MMP16: variants seen among roughly 807,000 people sequenced by gnomAD.
The protein encoded by MMP16 is matrix metalloproteinase-16.
A neutral mutation model predicts 67.8 loss-of-function variants in MMP16; 12 were observed. The ratio of observed to expected loss-of-function variants is 0.18; its 90% CI spans 0.11 to 0.29. The LOEUF (loss-of-function observed/expected upper bound fraction) is 0.29. MMP16 is among the 10% of genes least tolerant of loss of function. The pLI is 1.00. For synonymous variants in MMP16, 249 were observed against 255.9 expected, an observed-to-expected ratio of 0.97 and a Z score of 0.26; for missense variants, 475 against 765.7, an observed-to-expected ratio of 0.62 and a Z score of 4.48.
intron 6 of MMP16, among the ~76,000 whole-genome samples, chr8:88,075,171 T>G (rs1009739698): frequency 2.0e-5 from 3 of 152,304 alleles, no homozygotes; most frequent in Middle Eastern, 3.4e-3. Context: ...AGTCCACACC[T>G]GTCTGTACGC....
chr8:88,315,239 G>C (rs941335278), intron 1 of MMP16, among the ~76,000 whole-genome samples: 1 of 152,106 alleles, frequency 6.6e-6, no homozygotes, highest in African/African-American at 2.4e-5. Context: ...TTTTTTCCCA[G>C]AGCATGTGCT....
intron 1 of MMP16, among the ~76,000 whole-genome samples, chr8:88,272,973 C>T (rs1810589338): frequency 6.6e-6 from 1 of 150,704 alleles, no homozygotes; most frequent in South Asian, 2.1e-4. Context: ...CACCAGACCT[C>T]AGTTCCTGCC....
In MMP16 at chr8:88,074,522, A is replaced by G. The variant is rs1808611956; in HGVS notation, c.1222+83T>C. ...TTAAATCCATAGGCTATGTAATCTC[A>G]TTTCATCACTTTTGTGTGCACCACA... On this transcript the variant is annotated intron_variant, in intron 7 of 9. Coordinates refer to ENST00000286614, the MANE Select transcript of MMP16 (RefSeq NM_005941.5). The G allele has an allele frequency of 4.7e-6, 6 of 1,270,688 alleles. No individual in the cohort carries two copies. In the South Asian group the frequency reaches 1.0e-4, roughly 21 times the overall value. 78.7% of individuals were successfully genotyped at this position (1,270,688 alleles called of 1,614,324 possible).
intron 1 of MMP16, among the ~76,000 whole-genome samples, chr8:88,222,739 A>G (rs867318866): frequency 2.0e-4 from 30 of 152,248 alleles, no homozygotes; most frequent in African/African-American, 3.9e-4. Context: ...AACCATAAAA[A>G]CCCTAGAAGA....
chr8:88,239,583 G>A (rs970006287), intron 1 of MMP16, among the ~76,000 whole-genome samples: 2 of 151,396 alleles, frequency 1.3e-5, no homozygotes, highest in Admixed American at 6.6e-5. Context: ...GAATTAAGCT[G>A]AAAAATCTCA....
intron 1 of MMP16, among the ~76,000 whole-genome samples, chr8:88,312,393 A>C (rs1811308982): frequency 6.6e-6 from 1 of 152,164 alleles, no homozygotes; most frequent in Non-Finnish European, 1.5e-5. Flanking sequence ...AACTACCAGC[A>C]GTTATCATTA....
intron 4 of MMP16, among the ~76,000 whole-genome samples, chr8:88,166,233 A>T (rs1273813102): frequency 6.6e-6 from 1 of 152,092 alleles, no homozygotes; most frequent in African/African-American, 2.4e-5. Flanking sequence ...GGTGAAATTA[A>T]GAGTTTTATT....
intron 7 of MMP16, among the ~76,000 whole-genome samples, chr8:88,062,365 T>G (rs1808410262): frequency 6.6e-6 from 1 of 152,136 alleles, no homozygotes; most frequent in African/African-American, 2.4e-5. Flanking sequence ...CACGTATGTT[T>G]ATTGTGGCAC....
At position 88,239,772 on chromosome 8, in the gene MMP16, G is replaced by A. The variant is rs375004719; in HGVS notation, c.133-42466C>T. ...GTAATAACTTGTAGCATTCTGCCACGTGTTGTTTTTGCCTTCAGTTGAAAT... is the reference window on the plus strand; with the variant it reads ...GTAATAACTTGTAGCATTCTGCCACATGTTGTTTTTGCCTTCAGTTGAAAT... On this transcript the variant is annotated intron_variant, in intron 1 of 9. Transcript: ENST00000286614. 2.1e-4 allele frequency among the ~76,000 whole-genome samples: 32 copies of A among 152,216 alleles called. No individual in the cohort carries two copies. In the Middle Eastern group the frequency reaches 0.017, roughly 81 times the overall value.
chr8:88,207,705 AAAAG>A (rs1053440427), intron 1 of MMP16, among the ~76,000 whole-genome samples: 16 of 151,810 alleles, frequency 1.1e-4, no homozygotes, highest in South Asian at 4.2e-4. Flanking sequence ...TAAAAAAAAA[AAAAG>A]AAAGAAAGAA....
rs28986481 is a variant in MMP16 at position 88,300,822 on chromosome 8, G to A, written c.132+26253C>T. Among the ~76,000 whole-genome samples the A allele has an allele frequency of 6.7e-3, 1,025 of 152,116 alleles. 5 individuals are homozygous for A. The highest frequency in any genetic ancestry group is 0.017 in the South Asian group (84 of 4,824). ...CAGAAGCCTCCAAGATTGAGGAAAGGCCCTTTTTTTTTAAGAGCCTGAAGT... is the reference window on the plus strand; with the variant it reads ...CAGAAGCCTCCAAGATTGAGGAAAGACCCTTTTTTTTTAAGAGCCTGAAGT... On this transcript the variant is annotated intron_variant, in intron 1 of 9. Coordinates refer to ENST00000286614, the MANE Select transcript of MMP16 (RefSeq NM_005941.5).
chr8:88,294,556 C>T (rs530707680), intron 1 of MMP16, among the ~76,000 whole-genome samples: 2 of 150,582 alleles, frequency 1.3e-5, no homozygotes, highest in South Asian at 4.2e-4. Flanking sequence ...GTATATATGT[C>T]TCTATACACA....
chr8:88,185,026 C>T (rs1022725613), intron 3 of MMP16, among the ~76,000 whole-genome samples: 1 of 151,908 alleles, frequency 6.6e-6, no homozygotes, highest in African/African-American at 2.4e-5. Context: ...TGGTGAATAC[C>T]AACTTCATGG....
intron 7 of MMP16, among the ~76,000 whole-genome samples, chr8:88,072,314 G>C (rs1475548744): frequency 2.0e-5 from 3 of 152,124 alleles, no homozygotes; most frequent in Non-Finnish European, 2.9e-5. Flanking sequence ...TCTCCTGCCA[G>C]TCATGAGGTA....
chr8:88,297,631 G>A (rs1157107237), intron 1 of MMP16, among the ~76,000 whole-genome samples: 1 of 152,188 alleles, frequency 6.6e-6, no homozygotes, highest in East Asian at 1.9e-4. Flanking sequence ...ACTCTACCCA[G>A]CTAATAAACT....
At chr8:88,163,350 TCA>T (rs1486793298) in intron 4 of MMP16, among the ~76,000 whole-genome samples, 1 of 152,120 alleles carries the variant, frequency 6.6e-6, no homozygotes, top group African/African-American at 2.4e-5. Context: ...TTTTGATGTC[TCA>T]GATGACATCT....
intron 6 of MMP16, among the ~76,000 whole-genome samples, chr8:88,106,911 A>G (rs1006542440): frequency 2.0e-5 from 3 of 151,240 alleles, no homozygotes; most frequent in Non-Finnish European, 4.4e-5. Flanking sequence ...ATTAAATGTT[A>G]TTAAATCTAT....
chr8:88,282,091 G>T lies in MMP16; in HGVS notation c.132+44984C>A, dbSNP rs917642057. Among the ~76,000 whole-genome samples the T allele has an allele frequency of 2.2e-4, 33 of 147,340 alleles. 1 individual carries two copies. Among genetic ancestry groups the T allele is most frequent in the Non-Finnish European group, 3.9e-4 (26 of 66,990 alleles). ...ATTTTTTTTTCTTTTTTGGGGGGGG[G>T]GGGGCGACGGGGTCTTGCTGTCATC... On this transcript the variant is annotated intron_variant, in intron 1 of 9. Transcript: ENST00000286614.
intron 4 of MMP16, among the ~76,000 whole-genome samples, chr8:88,142,330 AGTC>A: frequency 6.6e-6 from 1 of 152,190 alleles, no homozygotes; most frequent in East Asian, 1.9e-4. Context: ...ATTAGATATT[AGTC>A]ATCAGACATA....
Sources: gnomAD v4.1 joint callset for allele counts (sites outside exome capture counted in the v4.1 genomes callset) on GRCh38, gnomAD v4.1.1 for gene constraint, MANE v1.5 for transcripts, NCBI Gene and HGNC (gene_info 2026-07-23, HGNC 2026-07-21) for gene names.